Variants in JAK1 observed in about 807,000 individuals in gnomAD.
The protein encoded by JAK1 is Janus kinase 1.
In JAK1, 16 loss-of-function variants were observed where a neutral mutation model predicts 136.6. The observed-to-expected ratio is 0.12, with a 90% CI of 0.08 to 0.18. The LOEUF (loss-of-function observed/expected upper bound fraction) is 0.18, where lower values mean the gene tolerates loss of function less well. JAK1 is among the 10% of genes least tolerant of loss of function. JAK1 has a pLI of 1.00. For synonymous variants in JAK1, 492 were observed against 519.5 expected (o/e 0.95, Z 0.72); for missense variants, 859 against 1,450.1 (o/e 0.59, Z 6.62).
chr1:64,998,927 A>G (rs1446167835), intron 2 of JAK1, among the ~76,000 whole-genome samples: 3 of 152,238 alleles, frequency 2.0e-5, no homozygotes, highest in African/African-American at 4.8e-5. Context: ...AAAATGGACT[A>G]ATACAGATGT....
At chr1:64,955,009 TTGA>T (rs1646157681) in intron 1 of JAK1, among the ~76,000 whole-genome samples, 1 of 152,236 alleles carries the variant, frequency 6.6e-6, no homozygotes, top group Non-Finnish European at 1.5e-5. Context: ...TCCAAAATAC[TTGA>T]TGATCCTTTA....
chr1:65,015,938 G>A (rs1283571537), intron 2 of JAK1, among the ~76,000 whole-genome samples: 1 of 152,112 alleles, frequency 6.6e-6, no homozygotes, highest in African/African-American at 2.4e-5. Flanking sequence ...GTCAAAAGGT[G>A]GAAACAACCC....
At chr1:64,893,086 A>C (rs1450148001) in intron 1 of JAK1, among the ~76,000 whole-genome samples, 1 of 152,078 alleles carries the variant, frequency 6.6e-6, no homozygotes, top group African/African-American at 2.4e-5. Context: ...ATCTGCTCTC[A>C]GTTTTCAGAA....
chr1:64,850,744 G>A, intron 12 of JAK1, 60 bp downstream of exon 12: 1 of 1,110,940 alleles, frequency 9.0e-7, no homozygotes, highest in Non-Finnish European at 1.4e-6. Flanking sequence ...AGATCCCCAA[G>A]CTGCTCCATC....
At chr1:64,889,826 T>C (rs948945952) in intron 1 of JAK1, among the ~76,000 whole-genome samples, 1 of 152,234 alleles carries the variant, frequency 6.6e-6, no homozygotes, top group Non-Finnish European at 1.5e-5. Flanking sequence ...AAATAGACTA[T>C]TTTAATGTTC....
chr1:64,899,202 G>A (rs1645068959), intron 1 of JAK1, among the ~76,000 whole-genome samples: 1 of 152,056 alleles, frequency 6.6e-6, no homozygotes, highest in Non-Finnish European at 1.5e-5. Flanking sequence ...TATTACCTAG[G>A]ACTCAAATCT....
intron 1 of JAK1, among the ~76,000 whole-genome samples, chr1:64,893,057 G>C (rs904896308): frequency 2.6e-5 from 4 of 152,224 alleles, no homozygotes; most frequent in African/African-American, 9.6e-5. Context: ...TGGGCTGAGA[G>C]GGGATTAAGG....
At chr1:64,852,231 T>C (rs1167789820) in intron 11 of JAK1, among the ~76,000 whole-genome samples, 3 of 152,276 alleles carry the variant, frequency 2.0e-5, no homozygotes, top group Non-Finnish European at 4.4e-5. Flanking sequence ...CCCCATTTTA[T>C]AGATGAGAAA....
chr1:64,847,062 A>G (rs985104206), intron 13 of JAK1, among the ~76,000 whole-genome samples: 1 of 152,250 alleles, frequency 6.6e-6, no homozygotes, highest in African/African-American at 2.4e-5. Flanking sequence ...AAATACCCAT[A>G]TTTAGCACTA....
At chr1:64,847,196 T>A (rs908499843) in intron 13 of JAK1, among the ~76,000 whole-genome samples, 4 of 152,186 alleles carry the variant, frequency 2.6e-5, no homozygotes, top group Admixed American at 1.3e-4. Context: ...TTCCAGACTG[T>A]GTGGTGAGAG....
chr1:64,906,834 G>T (rs967520993), intron 1 of JAK1, among the ~76,000 whole-genome samples: 1 of 152,140 alleles, frequency 6.6e-6, no homozygotes, highest in African/African-American at 2.4e-5. Flanking sequence ...GACTGTTTCT[G>T]CTATTCCACA....
At chr1:64,921,656 C>T (rs1473748258) in intron 1 of JAK1, among the ~76,000 whole-genome samples, 2 of 152,126 alleles carry the variant, frequency 1.3e-5, no homozygotes, top group Non-Finnish European at 2.9e-5. Context: ...TCTCACCAAA[C>T]TGATGTGTAA....
chr1:65,001,683 G>T (rs945888022), intron 2 of JAK1, among the ~76,000 whole-genome samples: 1 of 148,244 alleles, frequency 6.7e-6, no homozygotes, highest in African/African-American at 2.5e-5. Context: ...GTGTGTGGGG[G>T]GGGGGGTATG....
chr1:64,843,112 G>C (rs1655012489), intron 17 of JAK1, among the ~76,000 whole-genome samples: 1 of 152,056 alleles, frequency 6.6e-6, no homozygotes, highest in Admixed American at 6.5e-5. Context: ...CCAGTAAAAT[G>C]TAGGTTCTGC....
At chr1:64,847,759 T>C (rs1373427975) in intron 12 of JAK1, 84 bp from the exon 13 acceptor site, 26 of 1,481,148 alleles carry the variant, frequency 1.8e-5, no homozygotes, top group Non-Finnish European at 2.3e-5. Context: ...AATGGGAACA[T>C]GGACTATCAA....
chr1:64,871,881 G>A (rs576891830), intron 5 of JAK1, among the ~76,000 whole-genome samples: 1 of 152,192 alleles, frequency 6.6e-6, no homozygotes, highest in South Asian at 2.1e-4. Flanking sequence ...CGTGTAACAA[G>A]AATCATCGAC....
At chr1:65,052,116 C>CTCTTTTTTT (rs1557775795) in intron 1 of JAK1, among the ~76,000 whole-genome samples, 1 of 110,952 alleles carries the variant, frequency 9.0e-6, no homozygotes, top group Non-Finnish European at 1.8e-5. Flanking sequence ...CCACGCCTGG[C>CTCTTTTTTT]TATTTTTTTT....
chr1:65,032,394 A>T (rs12123317), intron 2 of JAK1, among the ~76,000 whole-genome samples: 7,759 of 152,286 alleles, frequency 0.051, 340 homozygotes, highest in Admixed American at 0.15. Flanking sequence ...CTCATCAGAT[A>T]CTGTCTGAGT....
At chr1:65,039,193 G>C (rs1647105801) in intron 2 of JAK1, among the ~76,000 whole-genome samples, 1 of 152,132 alleles carries the variant, frequency 6.6e-6, no homozygotes, top group Admixed American at 6.5e-5. Context: ...AATGCAAGGG[G>C]GCCAGGTGTG....
Sources: allele counts gnomAD v4.1 joint callset (sites outside exome capture counted in the v4.1 genomes callset), GRCh38; gene constraint gnomAD v4.1.1; transcripts MANE v1.5; gene names NCBI Gene and HGNC (gene_info 2026-07-23, HGNC 2026-07-21).